The following TRAM1 variants were observed in gnomAD, a reference collection of about 807,000 sequenced individuals.
The protein encoded by TRAM1 is translocating chain-associated membrane protein 1.
A neutral mutation model predicts 48.7 loss-of-function variants in TRAM1; 17 were observed. The observed-to-expected ratio is 0.35, with a 90% CI of 0.24 to 0.52. The LOEUF is 0.52. TRAM1 is among the 20% of genes least tolerant of loss of function. The probability of loss-of-function intolerance (pLI) is 0.94; values close to 1 mark genes in which losing one functional copy is unlikely to be tolerated. For missense variants in TRAM1, 351 were observed against 441.5 expected (o/e 0.79, Z 1.84); for synonymous variants, 182 against 154.0 (o/e 1.18, Z -1.34).
chr8:70,598,611 AG>A (rs1817540264), intron 2 of TRAM1, among the ~76,000 whole-genome samples: 1 of 152,144 alleles, frequency 6.6e-6, no homozygotes, highest in Admixed American at 6.5e-5. Context: ...TTTTTTTCAA[AG>A]GGCTTTTGAA....
chr8:70,608,175 T>C lies in TRAM1; in HGVS notation c.25A>G (p.Lys9Glu). MAIRKKSTKSPPVLSHEFV... is the reference protein window; with the variant it reads MAIRKKSTESPPVLSHEFV... ...TCGTGGCTCAGCACTGGGGGGCTCT[T>C]GGTGCTTTTCTTGCGAATCGCCATG... The change falls in exon 1 of 11, where the codon AAG becomes GAG. Residue 9 changes from lysine (K) to glutamate (E), a missense_variant. Physicochemically the swap from Lys to Glu is moderately conservative, Grantham distance 56. Coordinates refer to ENST00000262213, the MANE Select transcript of TRAM1 (RefSeq NM_014294.6). 1 of 1,590,326 alleles carries C rather than the reference T, an allele frequency of 6.3e-7. No individual in the cohort carries two copies. The highest frequency in any genetic ancestry group is 8.5e-7 in the Non-Finnish European group (1 of 1,169,962).
At chr8:70,583,361 A>C in intron 9 of TRAM1, 37 bp from the exon 10 acceptor site, 1 of 1,591,952 alleles carries the variant, frequency 6.3e-7, no homozygotes, top group Non-Finnish European at 8.6e-7. Context: ...TAGTGTATAA[A>C]AAACAATGCC....
At chr8:70,607,189 A>C in intron 1 of TRAM1, 1 of 985,410 alleles carries the variant, frequency 1.0e-6, no homozygotes, top group Non-Finnish European at 1.2e-6. Context: ...TTACTCGTTC[A>C]CCTTGCAAAG....
Position 70,608,171 on chromosome 8 carries a change from C to A in TRAM1, c.29G>T (p.Ser10Ile), listed in dbSNP as rs202082499. The A allele has an allele frequency of 6.3e-7, 1 of 1,590,504 alleles. No homozygotes were observed. The highest frequency in any genetic ancestry group is 8.5e-7 in the Non-Finnish European group (1 of 1,170,072). Residue 10 changes from serine (S) to isoleucine (I), a missense_variant, in exon 1 of 11, where the codon AGC becomes ATC. Ser to Ile is a moderately radical substitution (Grantham distance 142, BLOSUM62 -2). Coordinates refer to ENST00000262213, the MANE Select transcript of TRAM1 (RefSeq NM_014294.6). MAIRKKSTK[S>I]PPVLSHEFVL... ...GAATTCGTGGCTCAGCACTGGGGGG[C>A]TCTTGGTGCTTTTCTTGCGAATCGC... is the stretch of plus-strand genomic sequence containing the variant.
chr8:70,607,897 G>T, intron 1 of TRAM1, 180 bp downstream of exon 1: 1 of 686,682 alleles, frequency 1.5e-6, no homozygotes, highest in Non-Finnish European at 2.1e-6. Flanking sequence ...CCGGCCGCCG[G>T]GGAGCTGCCG....
intron 10 of TRAM1, among the ~76,000 whole-genome samples, chr8:70,579,115 T>C (rs147846745): frequency 4.3e-4 from 66 of 152,372 alleles, no homozygotes; most frequent in African/African-American, 1.5e-3. Flanking sequence ...TAACAGGCTA[T>C]GTTTTAAGAA....
At chr8:70,607,926 G>A in intron 1 of TRAM1, 151 bp downstream of exon 1, 1 of 964,808 alleles carries the variant, frequency 1.0e-6, no homozygotes, top group Non-Finnish European at 1.4e-6. Flanking sequence ...GGGCAGGGCA[G>A]GGAAGGCCTG....
At position 70,597,911 on chromosome 8, in the gene TRAM1, G is replaced by A. The variant is rs1179557025; in HGVS notation, c.410C>T (p.Thr137Ile). ...AFYLFACVWG[T>I]FILISENYIS... ...CATACTTACAGAGATGAGAATGAAT[G>A]TGCCCCAAACACAGGCAAAAAGGTA... Residue 137 changes from threonine (T) to isoleucine (I), a missense_variant, in exon 4 of 11, where the codon ACA becomes ATA. Thr to Ile is a moderately conservative substitution (Grantham distance 89). Coordinates refer to ENST00000262213, the MANE Select transcript of TRAM1 (RefSeq NM_014294.6). 1.3e-6 allele frequency: 2 copies of A among 1,596,352 alleles called. No individual in the cohort carries two copies. The highest frequency in any genetic ancestry group is 3.4e-5 in the Admixed American group (2 of 59,404).
chr8:70,593,661 A>C (rs989853143), intron 6 of TRAM1, among the ~76,000 whole-genome samples: 8 of 151,956 alleles, frequency 5.3e-5, no homozygotes, highest in Non-Finnish European at 1.0e-4. Flanking sequence ...TATCCGAGGG[A>C]AGAGGTGTTC....
chr8:70,608,282 G>C lies in TRAM1; in HGVS notation c.-83C>G, dbSNP rs1817798834. 1 of 1,474,722 alleles carries C rather than the reference G, an allele frequency of 6.8e-7. No homozygotes were observed. The highest frequency in any genetic ancestry group is 9.0e-7 in the Non-Finnish European group (1 of 1,114,830). The allele number at this position is 1,474,722 out of a possible 1,614,324, so 91.4% of individuals were successfully genotyped here. The stretch of plus-strand genomic sequence containing the variant: ...GCTCACCGACTCGCCGCCGCCTCCC[G>C]CTGGCTGCTCCTCACGGCCCCGCTG... On this transcript the variant is annotated 5_prime_UTR_variant, in exon 1 of 11. Transcript: ENST00000262213.
At chr8:70,607,143 G>A (rs2132051046) in intron 1 of TRAM1, 16 of 984,586 alleles carry the variant, frequency 1.6e-5, no homozygotes, top group African/African-American at 3.5e-5. Context: ...AGGAATGAGC[G>A]TGTGTATTGG....
At position 70,574,841 on chromosome 8, in the gene TRAM1, G is replaced by A. The variant is rs1026654401; in HGVS notation, c.*91C>T. On this transcript the variant is annotated 3_prime_UTR_variant, in exon 11 of 11. Coordinates refer to ENST00000262213, the MANE Select transcript of TRAM1 (RefSeq NM_014294.6). ...TAGCAAAAATCAAAGAGCACAGACT[G>A]TATTTTCAAGAACAGAAAAATCTCT... 17 of 928,338 alleles carry A rather than the reference G, an allele frequency of 1.8e-5. No individual in the cohort carries two copies. Among genetic ancestry groups the A allele is most frequent in the African/African-American group, 6.7e-5 (4 of 59,602 alleles). The allele number at this position is 928,338 out of a possible 1,614,324, so 57.5% of individuals were successfully genotyped here.
chr8:70,597,049 C>G (rs1275376441), intron 4 of TRAM1, among the ~76,000 whole-genome samples: 1 of 151,860 alleles, frequency 6.6e-6, no homozygotes, highest in Non-Finnish European at 1.5e-5. Context: ...AAGTGCTTTA[C>G]CCTGGAAAAC....
rs1816892157 is a variant in TRAM1 at position 70,574,250 on chromosome 8, CA to C, written c.*681del. The C allele has an allele frequency of 4.9e-6, 2 of 412,264 alleles. No homozygotes were observed. The highest frequency in any genetic ancestry group is 4.7e-6 in the Non-Finnish European group (1 of 213,532). 25.5% of individuals were successfully genotyped at this position (412,264 alleles called of 1,614,324 possible). A position where few individuals can be genotyped will look rare whatever the true frequency, so the allele number is the denominator to read the frequency against. On this transcript the variant is annotated 3_prime_UTR_variant, in exon 11 of 11. Coordinates refer to ENST00000262213, the MANE Select transcript of TRAM1 (RefSeq NM_014294.6). ...CCAGTTTACAAGTATTGAAAATGCACAAGAAAGATTTTACTTCACAAGTACT... is the reference window on the plus strand; with the variant it reads ...CCAGTTTACAAGTATTGAAAATGCACAGAAAGATTTTACTTCACAAGTACT...
chr8:70,575,551 T>C (rs765872361), intron 10 of TRAM1, among the ~76,000 whole-genome samples: 4 of 151,788 alleles, frequency 2.6e-5, no homozygotes, highest in Non-Finnish European at 4.4e-5. Context: ...GCCTCCCAAA[T>C]AGCTGGGACT....
chr8:70,574,269 C>CAA lies in TRAM1; in HGVS notation c.*661_*662dup, dbSNP rs1178256558. ...AATGCACAAGAAAGATTTTACTTCA[C>CAA]AAGTACTTTTAAGAATATACTTTGA... On this transcript the variant is annotated 3_prime_UTR_variant, in exon 11 of 11. Transcript: ENST00000262213. 2.4e-6 allele frequency: 1 copy of CAA among 409,298 alleles called. No homozygotes were observed. Among genetic ancestry groups the CAA allele is most frequent in the East Asian group, 8.6e-5 (1 of 11,658 alleles). The allele number at this position is 409,298 out of a possible 1,614,324, so 25.4% of individuals were successfully genotyped here. A position where few individuals can be genotyped will look rare whatever the true frequency, so the allele number is the denominator to read the frequency against.
chr8:70,588,198 C>G (rs190933669), intron 6 of TRAM1, among the ~76,000 whole-genome samples: 1 of 152,218 alleles, frequency 6.6e-6, no homozygotes. Context: ...GCTTGGGTGA[C>G]AGAGCAAGAC....
intron 1 of TRAM1, among the ~76,000 whole-genome samples, chr8:70,602,951 A>G (rs909665802): frequency 6.6e-6 from 1 of 152,212 alleles, no homozygotes; most frequent in African/African-American, 2.4e-5. Flanking sequence ...CGTAGGTTGT[A>G]GCTGAACTCT....
intron 8 of TRAM1, among the ~76,000 whole-genome samples, chr8:70,585,623 A>G (rs1202325296): frequency 7.3e-6 from 1 of 136,988 alleles, no homozygotes; most frequent in African/African-American, 2.6e-5. Flanking sequence ...ATATGAACAG[A>G]CACTTCTCAA....
Sources: gnomAD v4.1 joint callset for allele counts (sites outside exome capture counted in the v4.1 genomes callset) on GRCh38, gnomAD v4.1.1 for gene constraint, MANE v1.5 for transcripts, NCBI Gene and HGNC (gene_info 2026-07-23, HGNC 2026-07-21) for gene names.